Variants in RPH3A observed in about 807,000 individuals in gnomAD.
RPH3A encodes rabphilin-3A.
A neutral mutation model predicts 102.2 loss-of-function variants in RPH3A; 48 were observed. The observed-to-expected ratio is 0.47, with a 90% CI of 0.37 to 0.60. The LOEUF is 0.60. Among genes scored for constraint, RPH3A ranks in the 20% least tolerant of loss-of-function variants. RPH3A has a pLI of 0.00. For synonymous variants in RPH3A, 310 were observed against 324.3 expected (o/e 0.96, Z 0.47); for missense variants, 781 against 910.1 (o/e 0.86, Z 1.83).
intron 1 of RPH3A, among the ~76,000 whole-genome samples, chr12:112,680,921 C>T (rs1184924680): frequency 6.6e-6 from 1 of 151,982 alleles, no homozygotes; most frequent in Non-Finnish European, 1.5e-5. Flanking sequence ...TCTCCTCTGT[C>T]TTCCTCCCCC....
At chr12:112,770,278 T>C (rs1282872661) in intron 1 of RPH3A, among the ~76,000 whole-genome samples, 1 of 145,330 alleles carries the variant, frequency 6.9e-6, no homozygotes, top group Non-Finnish European at 1.5e-5. Context: ...CTCAGAATTC[T>C]GTCATTCTTT....
At chr12:112,637,819 TG>T (rs1026713819) in intron 1 of RPH3A, among the ~76,000 whole-genome samples, 13 of 152,106 alleles carry the variant, frequency 8.5e-5, no homozygotes, top group African/African-American at 2.9e-4. Flanking sequence ...CAGAAGCTTC[TG>T]GGGACCCCTT....
intron 3 of RPH3A, among the ~76,000 whole-genome samples, chr12:112,835,757 A>C (rs16942262): frequency 6.6e-6 from 1 of 152,116 alleles, no homozygotes; most frequent in Non-Finnish European, 1.5e-5. Flanking sequence ...TTATTTTCAA[A>C]TGTCTTTCTC....
Position 112,896,744 on chromosome 12 carries a change from C to A in RPH3A, c.2049C>A (p.His683Gln). The A allele has an allele frequency of 3.1e-6, 5 of 1,614,144 alleles. No individual in the cohort carries two copies. Among genetic ancestry groups the A allele is most frequent in the South Asian group, 1.1e-5 (1 of 91,082 alleles). The change falls in exon 22 of 22, where the codon CAC becomes CAA. Residue 683 changes from histidine (H) to glutamine (Q), a missense_variant. His to Gln is a conservative substitution (Grantham distance 24). Around this residue, in one of 2 missense-constraint regions of RPH3A, gnomAD observed 51 missense variants for 100.1 expected, o/e 0.51. Transcript: ENST00000389385. Reference protein sequence around the residue: ...KNKDKKIERWHQLQNENHVSS... With the variant: ...KNKDKKIERWQQLQNENHVSS... The stretch of plus-strand genomic sequence containing the variant: ...AAGACAAGAAGATAGAGCGCTGGCA[C>A]CAGCTACAGAATGAGAACCACGTGT...
intron 1 of RPH3A, among the ~76,000 whole-genome samples, chr12:112,726,012 G>A (rs915929340): frequency 1.3e-5 from 2 of 151,844 alleles, no homozygotes; most frequent in African/African-American, 4.8e-5. Flanking sequence ...AGCCAGGATG[G>A]TCTCGATCTC....
chr12:112,606,314 T>C (rs2039596287), intron 1 of RPH3A, among the ~76,000 whole-genome samples: 1 of 152,214 alleles, frequency 6.6e-6, no homozygotes, highest in South Asian at 2.1e-4. Context: ...AGTATATTAG[T>C]CTAGTTCTCA....
Position 112,612,806 on chromosome 12 carries a change from G to T in RPH3A, c.-140+37487G>T, listed in dbSNP as rs574520015. 1.1e-4 allele frequency among the ~76,000 whole-genome samples: 17 copies of T among 151,944 alleles called. No homozygotes were observed. In the South Asian group the frequency reaches 3.3e-3, roughly 30 times the overall value. On this transcript the variant is annotated intron_variant, in intron 1 of 21. Transcript: ENST00000543106. The stretch of plus-strand genomic sequence containing the variant: ...GCCCAAGCTGGTTTTGAACTCCTGG[G>T]CTCAAGCGATCTGCCTGCCTCAGCT...
rs75540697 is a variant in RPH3A at position 112,841,351 on chromosome 12, G to A, written c.83+4849G>A. Among the ~76,000 whole-genome samples the A allele has an allele frequency of 8.6e-3, 1,300 of 151,962 alleles. 23 individuals carry two copies. The highest frequency in any genetic ancestry group is 0.054 in the East Asian group (281 of 5,160). ...TTGACTATGGCCTGGGAGATAGAAC[G>A]TGAGATTGGACCATCTGGCTGCCTT... On this transcript the variant is annotated intron_variant, in intron 4 of 21. Coordinates refer to ENST00000389385, the MANE Select transcript of RPH3A (RefSeq NM_001143854.2).
intron 3 of RPH3A, 45 bp from the exon 4 acceptor site, chr12:112,836,446 A>T (rs1479396107): frequency 1.6e-6 from 2 of 1,241,320 alleles, no homozygotes; most frequent in Non-Finnish European, 2.3e-6. Context: ...TTCTTACCTA[A>T]CTTTATTCAT....
Position 112,634,222 on chromosome 12 carries a change from C to T in RPH3A, c.-140+58903C>T, listed in dbSNP as rs779825378. ...AATTAGCCGGGCGTAGTGGCGGGCG[C>T]CTGTAGTCCCAGCTACTTGGGAGGC... is the stretch of plus-strand genomic sequence containing the variant. On this transcript the variant is annotated intron_variant, in intron 1 of 21. Transcript: ENST00000543106. Among the ~76,000 whole-genome samples, 159 of 79,130 alleles carry T rather than the reference C, an allele frequency of 2.0e-3. 6 individuals carry two copies. The highest frequency in any genetic ancestry group is 5.0e-3 in the Admixed American group (38 of 7,674). 51.9% of individuals were successfully genotyped at this position (79,130 alleles called of 152,430 possible).
At chr12:112,831,410 A>T (rs1403789816) in intron 3 of RPH3A, among the ~76,000 whole-genome samples, 1 of 152,148 alleles carries the variant, frequency 6.6e-6, no homozygotes, top group South Asian at 2.1e-4. Flanking sequence ...CTGTCTCAAC[A>T]TCTTCCTCTA....
chr12:112,636,883 T>A (rs2039852566), intron 1 of RPH3A, among the ~76,000 whole-genome samples: 1 of 152,142 alleles, frequency 6.6e-6, no homozygotes, highest in Admixed American at 6.5e-5. Flanking sequence ...TACTATATTT[T>A]AAAAATCTGT....
Position 112,584,061 on chromosome 12 carries a change from CTGAT to C in RPH3A, c.-140+8746_-140+8749del, listed in dbSNP as rs144142337. On this transcript the variant is annotated intron_variant, in intron 1 of 21. Transcript: ENST00000543106. ...TGGACTCTGAGACTCTTAAGATTCTCTGATTGACCCTAGGTTGGTGGGAGGGGAC... is the reference window on the plus strand; with the variant it reads ...TGGACTCTGAGACTCTTAAGATTCTCTGACCCTAGGTTGGTGGGAGGGGAC... Among the ~76,000 whole-genome samples the C allele has an allele frequency of 1.7e-3, 256 of 152,266 alleles. 1 individual carries two copies. Among genetic ancestry groups the C allele is most frequent in the Non-Finnish European group, 3.1e-3 (212 of 68,008 alleles).
intron 1 of RPH3A, among the ~76,000 whole-genome samples, chr12:112,758,040 G>T (rs2040832895): frequency 6.6e-6 from 1 of 152,094 alleles, no homozygotes; most frequent in African/African-American, 2.4e-5. Context: ...CCCTCATGCT[G>T]GTGCTGTATA....
chr12:112,727,270 A>G (rs1173085993), intron 1 of RPH3A, among the ~76,000 whole-genome samples: 7 of 151,382 alleles, frequency 4.6e-5, no homozygotes, highest in Non-Finnish European at 7.4e-5. Context: ...ACATGCCTGT[A>G]ATCTCAGCGA....
At chr12:112,767,362 C>G (rs920301893) in intron 1 of RPH3A, among the ~76,000 whole-genome samples, 1 of 152,198 alleles carries the variant, frequency 6.6e-6, no homozygotes, top group Admixed American at 6.5e-5. Context: ...CAGATCCACT[C>G]TCACCCGTCT....
At chr12:112,616,370 C>T (rs2039679711) in intron 1 of RPH3A, among the ~76,000 whole-genome samples, 1 of 152,184 alleles carries the variant, frequency 6.6e-6, no homozygotes, top group Non-Finnish European at 1.5e-5. Context: ...TGGTCTCGAA[C>T]TCCTGACCTC....
At chr12:112,746,094 T>C (rs2040743531) in intron 1 of RPH3A, among the ~76,000 whole-genome samples, 2 of 152,110 alleles carry the variant, frequency 1.3e-5, no homozygotes, top group African/African-American at 4.8e-5. Context: ...CTACGTGTGT[T>C]TCACATCTTT....
At position 112,713,035 on chromosome 12, in the gene RPH3A, T is replaced by C. The variant is rs55696352; in HGVS notation, c.-139-79108T>C. ...CCTCTTCCTCTTCCTCTTCTTCTTC[T>C]TCTTCTTCTTCTTCTCCTTCTTCTT... On this transcript the variant is annotated intron_variant, in intron 1 of 21. Coordinates refer to the RPH3A transcript ENST00000543106. 8.5e-3 allele frequency among the ~76,000 whole-genome samples: 671 copies of C among 78,634 alleles called. 25 individuals are homozygous for C. Among genetic ancestry groups the C allele is most frequent in the South Asian group, 0.017 (28 of 1,672 alleles). The allele number at this position is 78,634 out of a possible 152,430, so 51.6% of individuals were successfully genotyped here. A position where few individuals can be genotyped will look rare whatever the true frequency, so the allele number is the denominator to read the frequency against.
Sources: gnomAD v4.1 joint callset for allele counts (sites outside exome capture counted in the v4.1 genomes callset) on GRCh38, gnomAD v4.1.1 for gene constraint, gnomAD v4.1.1 regional missense constraint, MANE v1.5 for transcripts, NCBI Gene and HGNC (gene_info 2026-07-23, HGNC 2026-07-21) for gene names.